The following ANKS1B variants were observed in gnomAD, a reference collection of about 807,000 sequenced individuals.
ANKS1B encodes ankyrin repeat and sterile alpha motif domain containing 1B, also known as ankyrin repeat and sterile alpha motif domain-containing protein 1B.
A neutral mutation model predicts 148.3 loss-of-function variants in ANKS1B; 36 were observed. That is an observed-to-expected ratio of 0.24 (90% CI 0.19 to 0.32). The LOEUF (loss-of-function observed/expected upper bound fraction) is 0.32, where lower values mean the gene tolerates loss of function less well. Among genes scored for constraint, ANKS1B ranks in the 10% least tolerant of loss-of-function variants. The pLI, the probability that ANKS1B is intolerant of heterozygous loss-of-function variation, is 1.00. For missense variants in ANKS1B, 1,157 were observed against 1,542.6 expected (o/e 0.75, Z 4.19); for synonymous variants, 542 against 560.8 (o/e 0.97, Z 0.47).
At chr12:99,572,784 A>G (rs879866564) in intron 9 of ANKS1B, among the ~76,000 whole-genome samples, 12 of 152,080 alleles carry the variant, frequency 7.9e-5, no homozygotes, top group Non-Finnish European at 1.2e-4. Context: ...AATAATTCCC[A>G]TATCTGTGAT....
At chr12:99,277,733 T>C (rs1173930563) in intron 12 of ANKS1B, among the ~76,000 whole-genome samples, 2 of 152,196 alleles carry the variant, frequency 1.3e-5, no homozygotes, top group African/African-American at 4.8e-5. Context: ...TATGAGTCAC[T>C]AACTGGTGCT....
rs186022101 is a variant in ANKS1B, at chr12:98,779,358, A to T, written c.3441+1759T>A. Among the ~76,000 whole-genome samples, 409 of 152,196 alleles carry T rather than the reference A, an allele frequency of 2.7e-3. 1 individual carries two copies. The highest frequency in any genetic ancestry group is 9.6e-3 in the African/African-American group (399 of 41,508). ...CTCTTTCATTCCTCTGATTGTGGAG[A>T]GTGGGTTAGAGAAAATGCTATTAAT... is the stretch of plus-strand genomic sequence containing the variant. On this transcript the variant is annotated intron_variant, in intron 24 of 26. Coordinates refer to ENST00000683438, the MANE Select transcript of ANKS1B (RefSeq NM_001352186.2).
At chr12:98,807,232 G>C (rs1436497595) in intron 20 of ANKS1B, among the ~76,000 whole-genome samples, 4 of 152,156 alleles carry the variant, frequency 2.6e-5, no homozygotes. Flanking sequence ...GCAGCTCAGA[G>C]TAAAATGGGT....
At chr12:98,916,411 G>C (rs2099794511) in intron 17 of ANKS1B, among the ~76,000 whole-genome samples, 1 of 152,208 alleles carries the variant, frequency 6.6e-6, no homozygotes, top group Non-Finnish European at 1.5e-5. Context: ...GGTGGAGGCG[G>C]CAGTCTATCC....
At chr12:99,589,343 A>G (rs1220956610) in intron 9 of ANKS1B, among the ~76,000 whole-genome samples, 1 of 152,174 alleles carries the variant, frequency 6.6e-6, no homozygotes, top group East Asian at 1.9e-4. Context: ...AATAATTTCC[A>G]ACTACCTATT....
At chr12:99,263,384 A>G (rs1232292005) in intron 12 of ANKS1B, among the ~76,000 whole-genome samples, 1 of 151,976 alleles carries the variant, frequency 6.6e-6, no homozygotes, top group African/African-American at 2.4e-5. Context: ...AATTTCTTTT[A>G]GATTTATAGT....
intron 17 of ANKS1B, among the ~76,000 whole-genome samples, chr12:99,006,712 T>C (rs1316030029): frequency 6.6e-6 from 1 of 152,222 alleles, no homozygotes; most frequent in Non-Finnish European, 1.5e-5. Flanking sequence ...GCCTGTAGAC[T>C]GATAACAATA....
At chr12:98,932,566 A>G (rs1275884932) in intron 17 of ANKS1B, among the ~76,000 whole-genome samples, 1 of 152,158 alleles carries the variant, frequency 6.6e-6, no homozygotes, top group East Asian at 1.9e-4. Context: ...TAAATCTTAC[A>G]AAGGGTTAGA....
intron 9 of ANKS1B, among the ~76,000 whole-genome samples, chr12:99,515,316 C>G (rs1018476298): frequency 2.0e-5 from 3 of 152,044 alleles, no homozygotes; most frequent in Admixed American, 2.0e-4. Flanking sequence ...AACTCCCACC[C>G]TCAGACCCCC....
At chr12:99,813,508 T>C (rs1014191603) in intron 2 of ANKS1B, among the ~76,000 whole-genome samples, 1 of 151,496 alleles carries the variant, frequency 6.6e-6, no homozygotes, top group Non-Finnish European at 1.5e-5. Flanking sequence ...TAGATGCAAG[T>C]AACAAATGAA....
intron 25 of ANKS1B, among the ~76,000 whole-genome samples, chr12:98,772,707 C>T (rs1216806618): frequency 6.6e-6 from 1 of 152,060 alleles, no homozygotes; most frequent in Non-Finnish European, 1.5e-5. Flanking sequence ...ATGGGAGCTA[C>T]AATTCAAGGT....
At chr12:98,998,162 C>T (rs1447031718) in intron 17 of ANKS1B, among the ~76,000 whole-genome samples, 4 of 152,146 alleles carry the variant, frequency 2.6e-5, no homozygotes, top group Non-Finnish European at 5.9e-5. Context: ...GGAATTTACC[C>T]AGACTGCTTT....
intron 17 of ANKS1B, among the ~76,000 whole-genome samples, chr12:99,007,140 C>T (rs2099936611): frequency 6.6e-6 from 1 of 152,196 alleles, no homozygotes; most frequent in Admixed American, 6.5e-5. Flanking sequence ...TTAAAATCCA[C>T]AGTCACCTTA....
intron 25 of ANKS1B, among the ~76,000 whole-genome samples, chr12:98,753,286 A>G (rs145063059): frequency 4.1e-4 from 62 of 152,154 alleles, no homozygotes; most frequent in Admixed American, 9.2e-4. Context: ...AAACCATCAC[A>G]TTGTCTGACC....
At chr12:99,017,798 T>A (rs1169948558) in intron 17 of ANKS1B, among the ~76,000 whole-genome samples, 1 of 152,194 alleles carries the variant, frequency 6.6e-6, no homozygotes, top group Admixed American at 6.5e-5. Flanking sequence ...AGAGGATTGA[T>A]CTGGTCTGTG....
intron 9 of ANKS1B, among the ~76,000 whole-genome samples, chr12:99,514,233 T>C (rs2096793934): frequency 6.6e-6 from 1 of 152,010 alleles, no homozygotes; most frequent in Non-Finnish European, 1.5e-5. Context: ...AAAAAATAAA[T>C]GCATAAATTA....
chr12:99,354,188 T>A (rs1168844574), intron 12 of ANKS1B, among the ~76,000 whole-genome samples: 2 of 152,196 alleles, frequency 1.3e-5, no homozygotes, highest in Admixed American at 6.5e-5. Flanking sequence ...TCTTTAGTTA[T>A]ATATCACTGG....
intron 22 of ANKS1B, chr12:98,795,598 GT>G (rs1406696272): frequency 6.8e-6 from 3 of 444,132 alleles, no homozygotes; most frequent in Admixed American, 5.0e-5. Flanking sequence ...AAAAGCTCCT[GT>G]TTTTGGAAAG....
At chr12:99,462,285 G>A (rs777612767) in intron 10 of ANKS1B, among the ~76,000 whole-genome samples, 1 of 152,198 alleles carries the variant, frequency 6.6e-6, no homozygotes, top group Non-Finnish European at 1.5e-5. Flanking sequence ...CCCCTTCCAG[G>A]TGCAAGCTGC....
Sources: gnomAD v4.1 joint callset for allele counts (sites outside exome capture counted in the v4.1 genomes callset) on GRCh38, gnomAD v4.1.1 for gene constraint, MANE v1.5 for transcripts, NCBI Gene and HGNC (gene_info 2026-07-23, HGNC 2026-07-21) for gene names.